Variants in GPR137B observed in about 807,000 individuals in gnomAD.
The protein encoded by GPR137B is integral membrane protein GPR137B.
Under a neutral mutation model 42.5 loss-of-function variants are expected in GPR137B, and 42 were observed. The observed-to-expected ratio is 0.99, with a 90% CI of 0.77 to 1.28. GPR137B has a LOEUF of 1.28. GPR137B is among the 50% of genes most tolerant of loss of function. The pLI is 0.00. For missense variants in GPR137B, 487 were observed against 493.9 expected (o/e 0.99, Z 0.13); for synonymous variants, 218 against 209.7 (o/e 1.04, Z -0.34).
intron 1 of GPR137B, among the ~76,000 whole-genome samples, chr1:236,160,268 A>C (rs144900262): frequency 5.5e-4 from 84 of 152,250 alleles, no homozygotes; most frequent in African/African-American, 1.9e-3. Context: ...CGGTGTTTTC[A>C]TAGGCTGTGT....
At position 236,142,799 on chromosome 1, in the gene GPR137B, C is replaced by G; in HGVS notation, c.177C>G (p.Phe59Leu). The change falls in exon 1 of 7, where the codon TTC becomes TTG. Residue 59 changes from phenylalanine to leucine, a missense_variant. Physicochemically the swap from Phe to Leu is conservative, Grantham distance 22. Coordinates refer to ENST00000366592, the MANE Select transcript of GPR137B (RefSeq NM_003272.4). Reference sequence around the variant, plus strand: ...TGTTCTACGCGCTGCTCTTCGTGTTCATCTACGTGCAGCTCTGGCTGGTGC... The same window carrying G: ...TGTTCTACGCGCTGCTCTTCGTGTTGATCTACGTGCAGCTCTGGCTGGTGC... Reference protein sequence around the residue: ...YTVFYALLFVFIYVQLWLVLR... With the variant: ...YTVFYALLFVLIYVQLWLVLR... The G allele has an allele frequency of 6.2e-7, 1 of 1,614,016 alleles. No homozygotes were observed. Among genetic ancestry groups the G allele is most frequent in the Non-Finnish European group, 8.5e-7 (1 of 1,179,936 alleles).
At chr1:236,167,568 C>T (rs1029458597) in intron 1 of GPR137B, among the ~76,000 whole-genome samples, 7 of 152,256 alleles carry the variant, frequency 4.6e-5, no homozygotes, top group South Asian at 2.1e-4. Flanking sequence ...CCAGACTTGC[C>T]GGAATGGGCG....
chr1:236,157,031 G>A (rs985814935), intron 1 of GPR137B, among the ~76,000 whole-genome samples: 15 of 152,238 alleles, frequency 9.9e-5, no homozygotes, highest in African/African-American at 3.6e-4. Flanking sequence ...TAGGCGGCAG[G>A]CATTTGTCCA....
In GPR137B at chr1:236,155,817, C is replaced by T. The variant is rs1480550210; in HGVS notation, c.414+12781C>T. On this transcript the variant is annotated intron_variant, in intron 1 of 6. Transcript: ENST00000366592. The surrounding 1 kb of genome is among the most constrained non-coding windows in gnomAD (Gnocchi z 4.6). ...GACAGTGAGTGGAGATGCCCTTTAT[C>T]TATAAAGGTAAAGACTGTTATCCCA... Among the ~76,000 whole-genome samples the T allele has an allele frequency of 1.3e-5, 2 of 152,140 alleles. No individual in the cohort carries two copies. The highest frequency in any genetic ancestry group is 2.9e-5 in the Non-Finnish European group (2 of 68,030).
chr1:236,178,579 C>T lies in GPR137B; in HGVS notation c.630C>T (p.Ser210=), dbSNP rs1354401514. Residue 210 remains serine, a synonymous_variant, in exon 3 of 7, where the codon TCC becomes TCT. Transcript: ENST00000366592. Reference sequence around the variant, plus strand: ...TCGTGCTGTGTGCCGTCTCTCTCTCCATCTGTCTCTACAAAATCTCTAAGA... The same window carrying T: ...TCGTGCTGTGTGCCGTCTCTCTCTCTATCTGTCTCTACAAAATCTCTAAGA... ...TLFVLCAVSL[S]ICLYKISKMS... 6.2e-7 allele frequency: 1 copy of T among 1,612,786 alleles called. No homozygotes were observed. Among genetic ancestry groups the T allele is most frequent in the African/African-American group, 1.3e-5 (1 of 74,858 alleles).
chr1:236,148,043 C>A (rs1327935792), intron 1 of GPR137B, among the ~76,000 whole-genome samples: 1 of 152,204 alleles, frequency 6.6e-6, no homozygotes, highest in East Asian at 1.9e-4. Flanking sequence ...CTTCTGCTCC[C>A]GGCTGCATGA....
intron 5 of GPR137B, among the ~76,000 whole-genome samples, chr1:236,189,166 TC>T: frequency 6.6e-6 from 1 of 152,314 alleles, no homozygotes; most frequent in East Asian, 1.9e-4. Context: ...GGTGGTGATA[TC>T]CCCTTTATCA....
chr1:236,191,126 C>T (rs1467779904), intron 5 of GPR137B, among the ~76,000 whole-genome samples: 4 of 152,014 alleles, frequency 2.6e-5, no homozygotes, highest in South Asian at 2.1e-4. Context: ...TCCACTTGAT[C>T]GATTTGGCTC....
At chr1:236,173,416 G>GAGAGAGGA (rs1553363541) in intron 2 of GPR137B, among the ~76,000 whole-genome samples, 3 of 149,476 alleles carry the variant, frequency 2.0e-5, no homozygotes, top group East Asian at 4.0e-4. Flanking sequence ...GAGAGAGAGA[G>GAGAGAGGA]AGGAAGGAGG....
At chr1:236,205,380 CAGT>C in intron 6 of GPR137B, 130 bp downstream of exon 6, 1 of 704,882 alleles carries the variant, frequency 1.4e-6, no homozygotes, top group South Asian at 2.3e-5. Flanking sequence ...ACTGGATTCT[CAGT>C]AGATCATTTT....
At chr1:236,157,881 A>G (rs532236823) in intron 1 of GPR137B, among the ~76,000 whole-genome samples, 1 of 152,346 alleles carries the variant, frequency 6.6e-6, no homozygotes, top group African/African-American at 2.4e-5. Context: ...CAACATAGAT[A>G]CCTTCCAAAC....
In GPR137B at chr1:236,162,793, C is replaced by T. The variant is rs542570851; in HGVS notation, c.415-5913C>T. Among the ~76,000 whole-genome samples, 96 of 152,358 alleles carry T rather than the reference C, an allele frequency of 6.3e-4. No homozygotes were observed. In the South Asian group the frequency reaches 0.011, roughly 17 times the overall value. On this transcript the variant is annotated intron_variant, in intron 1 of 6. Coordinates refer to ENST00000366592, the MANE Select transcript of GPR137B (RefSeq NM_003272.4). ...AGATTCCAGAAGATGTATGGAAATG[C>T]CTGGATGCCCAGGCAAAAGTTTGCT...
At chr1:236,195,514 A>G (rs971935182) in intron 5 of GPR137B, among the ~76,000 whole-genome samples, 1 of 152,168 alleles carries the variant, frequency 6.6e-6, no homozygotes, top group African/African-American at 2.4e-5. Flanking sequence ...TCTGCTGATG[A>G]ACACTTAGGT....
At chr1:236,160,488 T>C (rs1571970050) in intron 1 of GPR137B, among the ~76,000 whole-genome samples, 1 of 151,702 alleles carries the variant, frequency 6.6e-6, no homozygotes, top group African/African-American at 2.4e-5. Context: ...CCTCCACCCT[T>C]CCCTGCCTCC....
At chr1:236,197,476 A>G (rs1663372463) in intron 5 of GPR137B, among the ~76,000 whole-genome samples, 1 of 152,106 alleles carries the variant, frequency 6.6e-6, no homozygotes, top group Non-Finnish European at 1.5e-5. Flanking sequence ...CAATGTCTAG[A>G]AGAGTTTTTC....
rs562342552 is a variant in GPR137B, at chr1:236,147,622, G to A, written c.414+4586G>A. 1.4e-3 allele frequency among the ~76,000 whole-genome samples: 206 copies of A among 152,222 alleles called. 2 individuals are homozygous for A. The highest frequency in any genetic ancestry group is 6.0e-4 in the Non-Finnish European group (41 of 68,006). On this transcript the variant is annotated intron_variant, in intron 1 of 6. Transcript: ENST00000366592. ...GCCCTCCCACCTGTAAAAATCCCAGGTGGAAGCAAGCATCACCCTCCAAGT... is the reference window on the plus strand; with the variant it reads ...GCCCTCCCACCTGTAAAAATCCCAGATGGAAGCAAGCATCACCCTCCAAGT...
chr1:236,186,800 G>A (rs907398888), intron 5 of GPR137B, among the ~76,000 whole-genome samples: 2 of 152,036 alleles, frequency 1.3e-5, no homozygotes, highest in African/African-American at 2.4e-5. Context: ...GTAAACATAC[G>A]TGTGCATGTA....
At chr1:236,197,326 C>T (rs898990958) in intron 5 of GPR137B, among the ~76,000 whole-genome samples, 2 of 152,134 alleles carry the variant, frequency 1.3e-5, no homozygotes, top group Admixed American at 1.3e-4. Context: ...TTTTCTCCTA[C>T]TCTATGACTT....
At chr1:236,205,036 CT>C in intron 5 of GPR137B, 89 bp from the exon 6 acceptor site, 1 of 1,025,830 alleles carries the variant, frequency 9.7e-7, no homozygotes, top group Non-Finnish European at 1.5e-6. Flanking sequence ...AATAGAACAT[CT>C]TTAGTCTCCT....
Sources: gnomAD v4.1 joint callset for allele counts (sites outside exome capture counted in the v4.1 genomes callset) on GRCh38, gnomAD v4.1.1 for gene constraint, Gnocchi (gnomAD v3.1) non-coding constraint, MANE v1.5 for transcripts, NCBI Gene and HGNC (gene_info 2026-07-23, HGNC 2026-07-21) for gene names.